Variants in SORBS2 observed in about 807,000 individuals in gnomAD.
SORBS2 encodes the protein sorbin and SH3 domain containing 2, also known as sorbin and SH3 domain-containing protein 2.
In SORBS2, 46 loss-of-function variants were observed where a neutral mutation model predicts 97.7. That is an observed-to-expected ratio of 0.47 (90% CI 0.37 to 0.60). The LOEUF (loss-of-function observed/expected upper bound fraction) is 0.60, where lower values mean the gene tolerates loss of function less well. SORBS2 is among the 20% of genes least tolerant of loss of function. SORBS2 has a pLI of 0.00. For missense variants in SORBS2, 1,316 were observed against 1,282.3 expected, an observed-to-expected ratio of 1.03 and a Z score of -0.40; for synonymous variants, 476 against 473.4, an observed-to-expected ratio of 1.01 and a Z score of -0.07.
chr4:185,945,361 T>C (rs1023813579), intron 1 of SORBS2, among the ~76,000 whole-genome samples: 52 of 152,324 alleles, frequency 3.4e-4, no homozygotes, highest in African/African-American at 1.2e-3. Context: ...ATAAAAGGTA[T>C]AACATATGAC....
chr4:185,925,480 C>T (rs1306766731), intron 1 of SORBS2, among the ~76,000 whole-genome samples: 2 of 152,072 alleles, frequency 1.3e-5, no homozygotes, highest in African/African-American at 2.4e-5. Flanking sequence ...ATTTTTAAAA[C>T]GCATCTCCCC....
At chr4:185,812,828 T>C (rs2099189062) in intron 1 of SORBS2, 2 of 152,244 alleles carry the variant, frequency 1.3e-5, no homozygotes, top group Admixed American at 1.3e-4. Flanking sequence ...ATAGAATTTT[T>C]AAAAAATCCT....
intron 2 of SORBS2, among the ~76,000 whole-genome samples, chr4:185,731,872 A>C (rs796326966): frequency 0.064 from 1,179 of 18,382 alleles, 8 homozygotes; most frequent in Non-Finnish European, 0.08. Flanking sequence ...CTCTCTATAT[A>C]TATATATATA....
At chr4:185,820,814 C>T (rs1392486160) in intron 1 of SORBS2, among the ~76,000 whole-genome samples, 2 of 152,232 alleles carry the variant, frequency 1.3e-5, no homozygotes, top group African/African-American at 4.8e-5. Flanking sequence ...AACTGCAGGA[C>T]GGCAGAGATC....
At chr4:185,815,749 C>A (rs973578651) in intron 1 of SORBS2, among the ~76,000 whole-genome samples, 1 of 152,016 alleles carries the variant, frequency 6.6e-6, no homozygotes, top group South Asian at 2.1e-4. Context: ...ATCTACCTAT[C>A]TATCATCTGT....
intron 4 of SORBS2, among the ~76,000 whole-genome samples, chr4:185,667,697 TA>T (rs1370500106): frequency 6.4e-4 from 4 of 6,270 alleles, no homozygotes; most frequent in East Asian, 0.5. Flanking sequence ...GATATATATA[TA>T]TATATATACG....
intron 2 of SORBS2, among the ~76,000 whole-genome samples, chr4:185,685,416 C>T (rs1450136565): frequency 1.3e-5 from 2 of 152,204 alleles, no homozygotes; most frequent in African/African-American, 4.8e-5. Flanking sequence ...GGAAAGTCCA[C>T]TCTTCCTGTA....
intron 4 of SORBS2, among the ~76,000 whole-genome samples, chr4:185,668,438 T>C (rs2097653664): frequency 6.6e-6 from 1 of 152,248 alleles, no homozygotes; most frequent in Non-Finnish European, 1.5e-5. Context: ...TTTGTGAGTG[T>C]AAGGCATGAA....
intron 1 of SORBS2, among the ~76,000 whole-genome samples, chr4:185,820,352 C>T (rs770054739): frequency 2.0e-5 from 3 of 152,316 alleles, no homozygotes; most frequent in Admixed American, 6.5e-5. Flanking sequence ...CTTTCCTTCC[C>T]GGCTGATGTC....
In SORBS2 at chr4:185,623,112, G is replaced by A. The variant is rs561155809; in HGVS notation, c.2017C>T (p.Pro673Ser). The A allele has an allele frequency of 1.9e-6, 3 of 1,614,006 alleles. No individual in the cohort carries two copies. The highest frequency in any genetic ancestry group is 2.5e-6 in the Non-Finnish European group (3 of 1,180,012). Residue 673 changes from proline (P) to serine (S), a missense_variant, in exon 7 of 15, where the codon CCC becomes TCC. By Grantham distance (74) the Pro-to-Ser change is moderately conservative. Coordinates refer to ENST00000418609, the Ensembl canonical transcript of SORBS2. The surrounding 1 kb of genome is among the most constrained non-coding windows in gnomAD (Gnocchi z 6.4). ...GCTCTCAGGGATGAGTTCCTCTCGG[G>A]AACATCTGGCAGCAGCTCACTGATG...
chr4:185,827,841 C>T (rs946416385), intron 1 of SORBS2, among the ~76,000 whole-genome samples: 2 of 148,450 alleles, frequency 1.3e-5, no homozygotes, highest in African/African-American at 2.5e-5. Flanking sequence ...TCATCATCAT[C>T]GTCACCATCA....
chr4:185,797,114 A>G (rs1287567339), intron 1 of SORBS2, among the ~76,000 whole-genome samples: 1 of 152,168 alleles, frequency 6.6e-6, no homozygotes, highest in African/African-American at 2.4e-5. Context: ...CCCTCACTCT[A>G]TGCATCCCAT....
intron 2 of SORBS2, among the ~76,000 whole-genome samples, chr4:185,765,620 C>T (rs889008344): frequency 2.6e-5 from 4 of 152,090 alleles, no homozygotes; most frequent in African/African-American, 9.7e-5. Flanking sequence ...TGGATCTCAC[C>T]ATGTGAGACA....
intron 1 of SORBS2, among the ~76,000 whole-genome samples, chr4:185,930,558 A>G (rs1162875794): frequency 6.6e-6 from 1 of 152,156 alleles, no homozygotes; most frequent in African/African-American, 2.4e-5. Context: ...TCGGCCTCCC[A>G]AAGTGCTGGG....
chr4:185,701,358 G>A (rs954597769), intron 2 of SORBS2, among the ~76,000 whole-genome samples: 10 of 152,134 alleles, frequency 6.6e-5, no homozygotes, highest in Admixed American at 3.9e-4. Flanking sequence ...TGTTCGCATC[G>A]ACTCTACCCT....
intron 1 of SORBS2, among the ~76,000 whole-genome samples, chr4:185,876,614 T>C (rs1161160892): frequency 2.0e-5 from 3 of 152,182 alleles, no homozygotes; most frequent in Admixed American, 6.5e-5. Flanking sequence ...GCCAAGTGTC[T>C]TTAAGAGAAA....
chr4:185,777,961 C>T (rs1246327004), intron 1 of SORBS2, among the ~76,000 whole-genome samples: 1 of 152,094 alleles, frequency 6.6e-6, no homozygotes, highest in East Asian at 1.9e-4. Context: ...GTTGTCTCTT[C>T]CTAAAACATG....
At chr4:185,773,554 C>A (rs1189312848) in intron 2 of SORBS2, 1 of 132,428 alleles carries the variant, frequency 7.6e-6, no homozygotes, top group African/African-American at 2.9e-5. Context: ...TTGCGTTTGT[C>A]CTTCTTAGCA....
At chr4:185,709,997 T>C (rs763852261) in intron 2 of SORBS2, 2 of 152,156 alleles carry the variant, frequency 1.3e-5, no homozygotes, top group Non-Finnish European at 1.5e-5. Context: ...CATTGGTAAG[T>C]ATGTTAAGGA....
Sources: gnomAD v4.1 joint callset for allele counts (sites outside exome capture counted in the v4.1 genomes callset) on GRCh38, gnomAD v4.1.1 for gene constraint, Gnocchi (gnomAD v3.1) non-coding constraint, MANE v1.5 for transcripts, NCBI Gene and HGNC (gene_info 2026-07-23, HGNC 2026-07-21) for gene names.